The following PDE3B variants were observed in gnomAD, a reference collection of about 807,000 sequenced individuals.
PDE3B encodes the protein cGMP-inhibited 3',5'-cyclic phosphodiesterase 3B.
A neutral mutation model predicts 116.8 loss-of-function variants in PDE3B; 66 were observed. The ratio of observed to expected loss-of-function variants is 0.56; its 90% CI spans 0.46 to 0.69. The LOEUF (loss-of-function observed/expected upper bound fraction) is 0.69, where lower values mean the gene tolerates loss of function less well. Ranked by LOEUF, PDE3B falls within the 30% of genes least tolerant of loss-of-function variation. The probability of loss-of-function intolerance (pLI) is 0.00; values close to 1 mark genes in which losing one functional copy is unlikely to be tolerated. For missense variants in PDE3B, 1,384 were observed against 1,368.1 expected (o/e 1.01, Z -0.18); for synonymous variants, 595 against 533.6 (o/e 1.12, Z -1.59).
intron 11 of PDE3B, among the ~76,000 whole-genome samples, chr11:14,843,265 A>G (rs1301422277): frequency 2.0e-5 from 3 of 152,130 alleles, no homozygotes; most frequent in African/African-American, 7.2e-5. Flanking sequence ...TTCATTTTCC[A>G]CTATTTTTTA....
intron 1 of PDE3B, among the ~76,000 whole-genome samples, chr11:14,718,765 C>G (rs1291326235): frequency 6.9e-6 from 1 of 144,510 alleles, no homozygotes; most frequent in Non-Finnish European, 1.5e-5. Context: ...GGGACGCATT[C>G]AAAGCAGTGT....
intron 1 of PDE3B, among the ~76,000 whole-genome samples, chr11:14,705,728 T>C (rs1431266167): frequency 6.6e-6 from 1 of 151,878 alleles, no homozygotes; most frequent in Non-Finnish European, 1.5e-5. Context: ...GTGGTTAAGC[T>C]ACAATGTTTA....
intron 1 of PDE3B, chr11:14,698,917 GACC>G (rs912103836): frequency 1.3e-5 from 2 of 152,052 alleles, no homozygotes; most frequent in African/African-American, 4.8e-5. Flanking sequence ...GAAAATGAGT[GACC>G]AGGTGATCAT....
At chr11:14,842,973 T>C (rs1339618880) in intron 11 of PDE3B, among the ~76,000 whole-genome samples, 2 of 152,198 alleles carry the variant, frequency 1.3e-5, no homozygotes. Flanking sequence ...ATTTCTAGGT[T>C]CCCCCAATGA....
chr11:14,694,185 A>G (rs568306800), intron 1 of PDE3B, among the ~76,000 whole-genome samples: 32 of 152,190 alleles, frequency 2.1e-4, no homozygotes, highest in Non-Finnish European at 4.1e-4. Flanking sequence ...GATTCTTGAG[A>G]TGGAATCTAC....
intron 1 of PDE3B, among the ~76,000 whole-genome samples, chr11:14,646,805 T>C (rs1258248840): frequency 6.6e-6 from 1 of 152,102 alleles, no homozygotes; most frequent in Non-Finnish European, 1.5e-5. Flanking sequence ...CTATACCAGG[T>C]AGCTTCAATT....
chr11:14,749,225 A>T, intron 1 of PDE3B, among the ~76,000 whole-genome samples: 1 of 152,054 alleles, frequency 6.6e-6, no homozygotes, highest in Non-Finnish European at 1.5e-5. Flanking sequence ...CTTTTTTTTT[A>T]AACATAGATT....
chr11:14,848,552 C>G (rs1188172442), intron 12 of PDE3B, among the ~76,000 whole-genome samples: 1 of 151,938 alleles, frequency 6.6e-6, no homozygotes, highest in Admixed American at 6.6e-5. Context: ...TCAAATTGTC[C>G]CTGTTTGCAG....
At position 14,644,909 on chromosome 11, in the gene PDE3B, G is replaced by C. The variant is rs759252093; in HGVS notation, c.834G>C (p.Leu278=). ...QIREAPLHPR[L]SSAAEEKVPV... is the part of the protein sequence containing the mutation. Reference sequence around the variant, plus strand: ...GGGAAGCGCCTCTTCATCCTCGACTGTCCAGTGCCGCCGAAGAAAAAGTGC... The same window carrying C: ...GGGAAGCGCCTCTTCATCCTCGACTCTCCAGTGCCGCCGAAGAAAAAGTGC... Residue 278 remains leucine (L), a synonymous_variant, in exon 1 of 16, where the codon CTG becomes CTC. Coordinates refer to ENST00000282096, the MANE Select transcript of PDE3B (RefSeq NM_000922.4). 1.9e-6 allele frequency: 3 copies of C among 1,614,166 alleles called. No homozygotes were observed. The Admixed American group carries it at 5.0e-5, about 27-fold the overall frequency.
Position 14,771,010 on chromosome 11 carries a change from G to A in PDE3B, c.979-927G>A, listed in dbSNP as rs527515119. Among the ~76,000 whole-genome samples, 29 of 151,710 alleles carry A rather than the reference G, an allele frequency of 1.9e-4. No individual in the cohort carries two copies. In the South Asian group the frequency reaches 5.8e-3, roughly 30 times the overall value. On this transcript the variant is annotated intron_variant, in intron 1 of 15. Coordinates refer to ENST00000282096, the MANE Select transcript of PDE3B (RefSeq NM_000922.4). ...AAAGAATATGCCATAGAGACCTTATGTAGCCAGCAAAGCACCAAATAAGAT... is the reference window on the plus strand; with the variant it reads ...AAAGAATATGCCATAGAGACCTTATATAGCCAGCAAAGCACCAAATAAGAT...
chr11:14,693,333 A>G (rs1855102618), intron 1 of PDE3B, among the ~76,000 whole-genome samples: 1 of 152,348 alleles, frequency 6.6e-6, no homozygotes, highest in Admixed American at 6.5e-5. Context: ...GCTGCACTAA[A>G]CAACAGATTT....
the PDE3B span, among the ~76,000 whole-genome samples, chr11:14,883,182 A>G: frequency 1.1e-4 from 17 of 151,860 alleles, no homozygotes; most frequent in Non-Finnish European, 2.2e-4. Context: ...GGAAAAAACT[A>G]CTTTAAAGTT....
chr11:14,747,896 T>C (rs1168184752), intron 1 of PDE3B, among the ~76,000 whole-genome samples: 1 of 152,192 alleles, frequency 6.6e-6, no homozygotes, highest in Non-Finnish European at 1.5e-5. Context: ...TGTTTCAGAA[T>C]TCAAAAGCCC....
intron 1 of PDE3B, among the ~76,000 whole-genome samples, chr11:14,665,899 CA>C (rs1392535101): frequency 2.6e-5 from 4 of 152,138 alleles, no homozygotes; most frequent in African/African-American, 9.7e-5. Context: ...ATCAAGCTAC[CA>C]ATGACTTTCT....
chr11:14,658,975 A>AT (rs1456157656), intron 1 of PDE3B, among the ~76,000 whole-genome samples: 2 of 152,048 alleles, frequency 1.3e-5, no homozygotes, highest in Non-Finnish European at 2.9e-5. Flanking sequence ...TTCGCAGGAC[A>AT]TTTTTTTCCT....
chr11:14,892,552 G>T, the PDE3B span, among the ~76,000 whole-genome samples: 19 of 152,300 alleles, frequency 1.2e-4, no homozygotes, highest in South Asian at 3.7e-3. Flanking sequence ...CCTCTCTGGG[G>T]CCAGACCTTT....
chr11:14,666,083 A>T (rs1049655347), intron 1 of PDE3B, among the ~76,000 whole-genome samples: 3 of 151,812 alleles, frequency 2.0e-5, no homozygotes, highest in Admixed American at 2.0e-4. Context: ...ACCAAAACAG[A>T]GATATAGATC....
chr11:14,661,329 G>A (rs573018853), intron 1 of PDE3B, among the ~76,000 whole-genome samples: 58 of 152,218 alleles, frequency 3.8e-4, no homozygotes, highest in Non-Finnish European at 7.4e-4. Flanking sequence ...GAGGATAGTC[G>A]AGATGGCCGA....
intron 1 of PDE3B, among the ~76,000 whole-genome samples, chr11:14,660,638 A>G (rs1240699700): frequency 6.6e-6 from 1 of 151,842 alleles, no homozygotes; most frequent in East Asian, 1.9e-4. Context: ...TATTCCTTAT[A>G]TTATTCTTTC....
Sources: allele counts gnomAD v4.1 joint callset (sites outside exome capture counted in the v4.1 genomes callset), GRCh38; gene constraint gnomAD v4.1.1; transcripts MANE v1.5; gene names NCBI Gene and HGNC (gene_info 2026-07-23, HGNC 2026-07-21).